Variants in PRMT8 observed in about 807,000 individuals in gnomAD.
PRMT8 encodes the protein protein arginine methyltransferase 8, also known as protein arginine N-methyltransferase 8.
A neutral mutation model predicts 47.1 loss-of-function variants in PRMT8; 7 were observed. That is an observed-to-expected ratio of 0.15 (90% CI 0.08 to 0.28). The LOEUF is 0.28. Ranked by LOEUF, PRMT8 falls within the 10% of genes least tolerant of loss-of-function variation. PRMT8 has a pLI of 1.00. For missense variants in PRMT8, 237 were observed against 505.4 expected (o/e 0.47, Z 5.09); for synonymous variants, 188 against 186.5 (o/e 1.01, Z -0.07).
chr12:3,428,441 A>G (rs530390235), intron 1 of PRMT8, among the ~76,000 whole-genome samples: 1 of 152,170 alleles, frequency 6.6e-6, no homozygotes, highest in East Asian at 1.9e-4. Context: ...GACTGAATGT[A>G]CTGGGGCCAG....
At chr12:3,589,904 C>T (rs1320670640) in intron 8 of PRMT8, among the ~76,000 whole-genome samples, 5 of 152,178 alleles carry the variant, frequency 3.3e-5, no homozygotes, top group African/African-American at 1.2e-4. Context: ...TCTTTAGGAA[C>T]AGGAGAGAGA....
intron 1 of PRMT8, among the ~76,000 whole-genome samples, chr12:3,457,859 TTTTTTTTA>T (rs936115115): frequency 2.6e-4 from 18 of 68,656 alleles, no homozygotes; most frequent in Non-Finnish European, 5.3e-4. Context: ...TTTTTTTTTT[TTTTTTTTA>T]AGACAGCGTT....
At chr12:3,392,193 T>A (rs1278956585) in intron 1 of PRMT8, among the ~76,000 whole-genome samples, 2 of 152,066 alleles carry the variant, frequency 1.3e-5, no homozygotes, top group African/African-American at 2.4e-5. Flanking sequence ...TTATTTTATT[T>A]TTTTATTTTT....
chr12:3,399,146 G>A (rs1313583235), intron 1 of PRMT8, among the ~76,000 whole-genome samples: 19 of 152,106 alleles, frequency 1.2e-4, no homozygotes, highest in Admixed American at 1.2e-3. Context: ...TTGCTTCATT[G>A]TGGAGCAGGC....
intron 1 of PRMT8, among the ~76,000 whole-genome samples, chr12:3,416,359 T>C (rs1026174363): frequency 1.1e-4 from 16 of 152,230 alleles, no homozygotes; most frequent in Non-Finnish European, 2.2e-4. Flanking sequence ...GGAGCCCAAG[T>C]GTCTCATGTG....
intron 1 of PRMT8, among the ~76,000 whole-genome samples, chr12:3,464,376 A>G (rs1865070800): frequency 6.6e-6 from 1 of 152,150 alleles, no homozygotes; most frequent in African/African-American, 2.4e-5. Context: ...AACCCTGAAA[A>G]TAAAGCAGTG....
At chr12:3,495,781 A>G (rs1865495295) in intron 1 of PRMT8, among the ~76,000 whole-genome samples, 1 of 152,128 alleles carries the variant, frequency 6.6e-6, no homozygotes, top group Non-Finnish European at 1.5e-5. Flanking sequence ...TTAGTCACTC[A>G]TGGCTTCCTG....
intron 1 of PRMT8, among the ~76,000 whole-genome samples, chr12:3,422,591 A>G (rs554742985): frequency 4.6e-5 from 7 of 152,342 alleles, no homozygotes; most frequent in South Asian, 2.1e-4. Context: ...TGGGGGCTGC[A>G]TGCACCAGTA....
intron 1 of PRMT8, among the ~76,000 whole-genome samples, chr12:3,383,751 A>G (rs1022044232): frequency 6.6e-6 from 1 of 152,206 alleles, no homozygotes; most frequent in African/African-American, 2.4e-5. Context: ...GCATTTTGTT[A>G]CAGCAGCCTG....
chr12:3,567,769 A>G (rs1225278389), intron 4 of PRMT8, among the ~76,000 whole-genome samples: 2 of 152,248 alleles, frequency 1.3e-5, no homozygotes, highest in Non-Finnish European at 2.9e-5. Context: ...TCTTGCTGAT[A>G]ACTTGGTCAA....
At chr12:3,540,837 C>G (rs766663303) in intron 2 of PRMT8, 46 bp downstream of exon 2, 24 of 1,569,816 alleles carry the variant, frequency 1.5e-5, no homozygotes, top group Non-Finnish European at 2.1e-5. Context: ...GCTGACTCTG[C>G]TGTTCTGTTG....
At chr12:3,523,723 G>C (rs1399466718) in intron 1 of PRMT8, among the ~76,000 whole-genome samples, 1 of 152,212 alleles carries the variant, frequency 6.6e-6, no homozygotes, top group Non-Finnish European at 1.5e-5. Context: ...CCCAAAGGCA[G>C]GCATTGCATG....
intron 4 of PRMT8, among the ~76,000 whole-genome samples, chr12:3,560,265 G>A (rs962125380): frequency 3.9e-5 from 6 of 152,190 alleles, no homozygotes; most frequent in African/African-American, 1.2e-4. Flanking sequence ...TCTCAGGAGC[G>A]TAGGTGTAGA....
chr12:3,466,323 T>C (rs1865097342), intron 1 of PRMT8, among the ~76,000 whole-genome samples: 1 of 152,064 alleles, frequency 6.6e-6, no homozygotes, highest in East Asian at 1.9e-4. Flanking sequence ...TCCCCAAGTT[T>C]CTCTCCTTTG....
chr12:3,585,085 G>A (rs1042176659), intron 8 of PRMT8, among the ~76,000 whole-genome samples: 15 of 152,120 alleles, frequency 9.9e-5, no homozygotes, highest in African/African-American at 3.6e-4. Flanking sequence ...TCCTGCATGA[G>A]TAGGGATCAT....
rs919479838 is a variant in PRMT8 at position 3,570,881 on chromosome 12, G to A, written c.712+1317G>A. Among the ~76,000 whole-genome samples the A allele has an allele frequency of 6.6e-6, 1 of 152,166 alleles. No individual in the cohort carries two copies. The highest frequency in any genetic ancestry group is 1.9e-4 in the East Asian group (1 of 5,178). ...CCACTATTTGACCTCCTGGGGGAAG[G>A]AGGCAAAATACCAAATGAGGACAGT... On this transcript the variant is annotated intron_variant, in intron 6 of 9. Transcript: ENST00000382622. This position sits in a 1 kb window ranked among gnomAD's most constrained non-coding sequence, Gnocchi z 5.5.
intron 1 of PRMT8, among the ~76,000 whole-genome samples, chr12:3,530,481 C>T (rs574022994): frequency 2.0e-5 from 3 of 152,212 alleles, no homozygotes; most frequent in South Asian, 4.2e-4. Context: ...AGGAACATAG[C>T]CCATAGTTTC....
At chr12:3,471,954 C>T (rs1030379274) in intron 1 of PRMT8, among the ~76,000 whole-genome samples, 1 of 151,908 alleles carries the variant, frequency 6.6e-6, no homozygotes, top group South Asian at 2.1e-4. Flanking sequence ...GAGGGAAGAG[C>T]GGGTCTCCCA....
At chr12:3,445,432 C>T (rs1199070824) in intron 1 of PRMT8, among the ~76,000 whole-genome samples, 1 of 152,194 alleles carries the variant, frequency 6.6e-6, no homozygotes, top group African/African-American at 2.4e-5. Context: ...TTATAAAATG[C>T]CATATCAGCT....
Sources: allele counts gnomAD v4.1 joint callset (sites outside exome capture counted in the v4.1 genomes callset), GRCh38; gene constraint gnomAD v4.1.1; non-coding constraint Gnocchi (gnomAD v3.1); transcripts MANE v1.5; gene names NCBI Gene and HGNC (gene_info 2026-07-23, HGNC 2026-07-21).